PRDM4: variants seen among roughly 807,000 people sequenced by gnomAD.
The protein encoded by PRDM4 is PR domain zinc finger protein 4.
A neutral mutation model predicts 62.3 loss-of-function variants in PRDM4; 38 were observed. The ratio of observed to expected loss-of-function variants is 0.61; its 90% CI spans 0.47 to 0.80. The LOEUF (loss-of-function observed/expected upper bound fraction) is 0.80, where lower values mean the gene tolerates loss of function less well. Ranked by LOEUF, PRDM4 falls within the 30% of genes least tolerant of loss-of-function variation. The pLI, the probability that PRDM4 is intolerant of heterozygous loss-of-function variation, is 0.00. For synonymous variants in PRDM4, 339 were observed against 348.2 expected, an observed-to-expected ratio of 0.97 and a Z score of 0.30; for missense variants, 858 against 997.1, an observed-to-expected ratio of 0.86 and a Z score of 1.88.
At position 107,734,517 on chromosome 12, in the gene PRDM4, C is replaced by T. The variant is rs371787197; in HGVS notation, c.2099G>A (p.Arg700His). 14 of 1,609,160 alleles carry T rather than the reference C, an allele frequency of 8.7e-6. No homozygotes were observed. The highest frequency in any genetic ancestry group is 1.7e-5 in the Admixed American group (1 of 59,536). ...KQHVLIHTQERQIKCPKCDKL... is the reference protein window; with the variant it reads ...KQHVLIHTQEHQIKCPKCDKL... ...ATCACACTTGGGACACTTGATCTGG[C>T]GTTCTCTAAGAGGAACACAAGAAAA... The change falls in exon 12 of 12, where the codon CGC becomes CAC. Residue 700 changes from arginine to histidine, a missense_variant. Physicochemically the swap from Arg to His is conservative, Grantham distance 29. This residue lies in a region of PRDM4 where 355 missense variants were observed against 432.6 expected (regional missense o/e 0.82). Coordinates refer to ENST00000228437, the MANE Select transcript of PRDM4 (RefSeq NM_012406.4).
Position 107,734,135 on chromosome 12 carries a change from C to T in PRDM4, c.*75G>A. On this transcript the variant is annotated 3_prime_UTR_variant, in exon 12 of 12. Transcript: ENST00000228437. ...AATCAGGAACCATTTTATATAAAAACCATTATAGTAGATAACTGGTTATGT... is the reference window on the plus strand; with the variant it reads ...AATCAGGAACCATTTTATATAAAAATCATTATAGTAGATAACTGGTTATGT... The T allele has an allele frequency of 9.1e-6, 13 of 1,429,352 alleles. No individual in the cohort carries two copies. The highest frequency in any genetic ancestry group is 1.2e-5 in the Non-Finnish European group (13 of 1,056,082). 88.5% of individuals were successfully genotyped at this position (1,429,352 alleles called of 1,614,324 possible).
chr12:107,735,127 AG>A (rs371601037), intron 11 of PRDM4, among the ~76,000 whole-genome samples: 51 of 152,254 alleles, frequency 3.3e-4, no homozygotes, highest in African/African-American at 1.1e-3. Context: ...CAGCCTCCCA[AG>A]TACCTGGGAC....
In PRDM4 at chr12:107,742,616, C is replaced by A. The variant is rs1239602481; in HGVS notation, c.1482-268G>T. On this transcript the variant is annotated intron_variant, in intron 8 of 11. Transcript: ENST00000228437. Reference sequence around the variant, plus strand: ...GCAAACAAGATAAATAAAATGAAGTCTTTAAAAAACAGTATGACAAAGACA... The same window carrying A: ...GCAAACAAGATAAATAAAATGAAGTATTTAAAAAACAGTATGACAAAGACA... 3 of 415,222 alleles carry A rather than the reference C, an allele frequency of 7.2e-6. No homozygotes were observed. The East Asian group carries it at 1.5e-4, about 21-fold the overall frequency. The allele number at this position is 415,222 out of a possible 1,614,324, so 25.7% of individuals were successfully genotyped here.
rs373533199 is a variant in PRDM4 at position 107,745,212 on chromosome 12, C to T, written c.1277-551G>A. On this transcript the variant is annotated intron_variant, in intron 6 of 11. Coordinates refer to ENST00000228437, the MANE Select transcript of PRDM4 (RefSeq NM_012406.4). ...TGAGTAAGAAGAAATATCAGGAATT[C>T]CTGAACCTAGTTTTATCCAAAGGGA... is the stretch of plus-strand genomic sequence containing the variant. Among the ~76,000 whole-genome samples, 6 of 152,216 alleles carry T rather than the reference C, an allele frequency of 3.9e-5. No homozygotes were observed. In the East Asian group the frequency reaches 9.6e-4, roughly 24 times the overall value.
chr12:107,743,858 T>A (rs1257943218), intron 7 of PRDM4, among the ~76,000 whole-genome samples: 1 of 152,212 alleles, frequency 6.6e-6, no homozygotes, highest in African/African-American at 2.4e-5. Flanking sequence ...CTCACACCTG[T>A]AATCCCGGCA....
intron 6 of PRDM4, among the ~76,000 whole-genome samples, chr12:107,745,400 A>C (rs1566095871): frequency 6.6e-6 from 1 of 152,018 alleles, no homozygotes. Flanking sequence ...TGTCTCTACA[A>C]AAAAAATTTT....
intron 3 of PRDM4, among the ~76,000 whole-genome samples, chr12:107,755,442 A>G (rs997965768): frequency 1.3e-5 from 2 of 152,170 alleles, no homozygotes; most frequent in African/African-American, 4.8e-5. Flanking sequence ...AAGAGTGTCC[A>G]CTAAAGGGAA....
chr12:107,746,028 T>C (rs774560467), intron 6 of PRDM4, among the ~76,000 whole-genome samples: 39 of 152,230 alleles, frequency 2.6e-4, no homozygotes, highest in Non-Finnish European at 4.7e-4. Context: ...CTTCAAAGAC[T>C]CAGTCTAGGA....
Position 107,739,397 on chromosome 12 carries a change from C to T in PRDM4, c.2079G>A (p.Val693=). 6.2e-7 allele frequency: 1 copy of T among 1,613,206 alleles called. No individual in the cohort carries two copies. The highest frequency in any genetic ancestry group is 8.5e-7 in the Non-Finnish European group (1 of 1,179,614). Residue 693 remains valine (V), a synonymous_variant, in exon 11 of 12, where the codon GTG becomes GTA. Coordinates refer to ENST00000228437, the MANE Select transcript of PRDM4 (RefSeq NM_012406.4). ...GGGTAACTTACTGAGTGTGGATGAG[C>T]ACGTGCTGCTTGAGGTCCTGCCTCC... ...FMRRQDLKQH[V]LIHTQERQIK...
Position 107,739,526 on chromosome 12 carries a change from C to G in PRDM4, c.1950G>C (p.Leu650Phe), listed in dbSNP as rs1479985722. Residue 650 changes from leucine (L) to phenylalanine (F), a missense_variant, in exon 11 of 12, where the codon TTG (leucine) becomes TTC (phenylalanine). This residue lies in a region of PRDM4 where 355 missense variants were observed against 432.6 expected (regional missense o/e 0.82). Transcript: ENST00000228437. Reference protein sequence around the residue: ...HTGQKNYRCTLCDKSFTQKAH... With the variant: ...HTGQKNYRCTFCDKSFTQKAH... ...CCTTCTGGGTGAAAGACTTGTCACA[C>G]AAGGTACACCTGTAGTTCTTCTGAC... The G allele has an allele frequency of 6.2e-7, 1 of 1,613,834 alleles. No homozygotes were observed. The highest frequency in any genetic ancestry group is 1.7e-5 in the Admixed American group (1 of 59,996).
intron 9 of PRDM4, among the ~76,000 whole-genome samples, 163 bp downstream of exon 9, chr12:107,742,058 A>G (rs1385910036): frequency 1.3e-5 from 2 of 152,198 alleles, no homozygotes; most frequent in Non-Finnish European, 2.9e-5. Context: ...CTTGTGAAGA[A>G]TCTCACAGAT....
rs1222899497 is a variant in PRDM4 at position 107,739,746 on chromosome 12, G to T, written c.1925-195C>A. 5 of 444,674 alleles carry T rather than the reference G, an allele frequency of 1.1e-5. 1 individual carries two copies. Among genetic ancestry groups the T allele is most frequent in the Non-Finnish European group, 2.0e-5 (5 of 254,682 alleles). The allele number at this position is 444,674 out of a possible 1,614,324, so 27.5% of individuals were successfully genotyped here. ...AGTTTATATTCTGCAACTAAAGCTA[G>T]TAAATTAATTTGATCTCCTTTAGGA... is the stretch of plus-strand genomic sequence containing the variant. On this transcript the variant is annotated intron_variant, in intron 10 of 11. Coordinates refer to ENST00000228437, the MANE Select transcript of PRDM4 (RefSeq NM_012406.4).
At chr12:107,744,226 T>C (rs1890616769) in intron 7 of PRDM4, among the ~76,000 whole-genome samples, 1 of 152,212 alleles carries the variant, frequency 6.6e-6, no homozygotes, top group African/African-American at 2.4e-5. Flanking sequence ...ACTTTTATCA[T>C]ACAAACAAAG....
intron 6 of PRDM4, 35 bp downstream of exon 6, chr12:107,746,240 G>A (rs200506859): frequency 3.9e-5 from 62 of 1,607,322 alleles, no homozygotes; most frequent in Non-Finnish European, 5.0e-5. Context: ...AGGAAGAAGA[G>A]ATGTAATAGT....
intron 2 of PRDM4, chr12:107,760,053 AAAGGGCCTTG>A (rs1225712095): frequency 6.5e-6 from 1 of 153,486 alleles, no homozygotes; most frequent in Non-Finnish European, 1.5e-5. Flanking sequence ...ACGGCCTTTG[AAAGGGCCTTG>A]AAAAAACAGC....
rs762901658 is a variant in PRDM4, at chr12:107,740,980, G to C, written c.1890C>G (p.Pro630=). Residue 630 remains proline (P), a synonymous_variant, in exon 10 of 12, where the codon CCC becomes CCG. Coordinates refer to ENST00000228437, the MANE Select transcript of PRDM4 (RefSeq NM_012406.4). The part of the protein sequence containing the change: ...CDFCSKAFSD[P]SNLRTHLKIH... Reference sequence around the variant, plus strand: ...TCTTGAGGTGGGTCCGCAGGTTGCTGGGATCACTAAAAGCCTTGCTACAGA... The same window carrying C: ...TCTTGAGGTGGGTCCGCAGGTTGCTCGGATCACTAAAAGCCTTGCTACAGA... 1.9e-6 allele frequency: 3 copies of C among 1,613,960 alleles called. No homozygotes were observed. Among genetic ancestry groups the C allele is most frequent in the African/African-American group, 2.7e-5 (2 of 74,910 alleles).
At chr12:107,740,382 G>A (rs1000187788) in intron 10 of PRDM4, among the ~76,000 whole-genome samples, 5 of 152,112 alleles carry the variant, frequency 3.3e-5, no homozygotes, top group African/African-American at 1.2e-4. Flanking sequence ...TGCTACTCAG[G>A]AGGCTGAGGT....
chr12:107,753,774 CATAAAT>C, intron 4 of PRDM4, 144 bp downstream of exon 4: 1 of 723,282 alleles, frequency 1.4e-6, no homozygotes, highest in African/African-American at 1.8e-5. Flanking sequence ...AGGAAAAGTA[CATAAAT>C]ATAAACAAAG....
intron 11 of PRDM4, chr12:107,738,198 A>G (rs1890397145): frequency 1.3e-5 from 2 of 152,214 alleles, no homozygotes; most frequent in African/African-American, 4.8e-5. Flanking sequence ...TGAGCTGCCT[A>G]GACAGGATGT....
Sources: gnomAD v4.1 joint callset for allele counts (sites outside exome capture counted in the v4.1 genomes callset) on GRCh38, gnomAD v4.1.1 for gene constraint, gnomAD v4.1.1 regional missense constraint, MANE v1.5 for transcripts, NCBI Gene and HGNC (gene_info 2026-07-23, HGNC 2026-07-21) for gene names.